Variants in ATP11B observed in about 807,000 individuals in gnomAD.
The protein encoded by ATP11B is ATPase phospholipid transporting 11B (putative), also known as phospholipid-transporting ATPase IF.
Under a neutral mutation model 157.8 loss-of-function variants are expected in ATP11B, and 81 were observed. That is an observed-to-expected ratio of 0.51 (90% CI 0.43 to 0.62). The LOEUF is 0.62. Ranked by LOEUF, ATP11B falls within the 20% of genes least tolerant of loss-of-function variation. The pLI, the probability that ATP11B is intolerant of heterozygous loss-of-function variation, is 0.00. For missense variants in ATP11B, 1,165 were observed against 1,402.2 expected (o/e 0.83, Z 2.70); for synonymous variants, 451 against 469.4 (o/e 0.96, Z 0.51).
intron 8 of ATP11B, among the ~76,000 whole-genome samples, chr3:182,842,581 A>G (rs985343832): frequency 1.3e-5 from 2 of 151,970 alleles, no homozygotes; most frequent in African/African-American, 2.4e-5. Flanking sequence ...ATAGGGCAGG[A>G]AGGACCCTCT....
intron 28 of ATP11B, among the ~76,000 whole-genome samples, chr3:182,905,251 TC>T (rs1724263782): frequency 2.6e-5 from 4 of 152,214 alleles, no homozygotes; most frequent in African/African-American, 9.7e-5. Context: ...TTAGAAGATC[TC>T]TAATACAAAT....
intron 1 of ATP11B, among the ~76,000 whole-genome samples, chr3:182,819,360 C>T (rs1207325693): frequency 3.9e-5 from 6 of 152,150 alleles, no homozygotes; most frequent in African/African-American, 1.4e-4. Context: ...CATAAGCCAG[C>T]GCGCCCGGCG....
chr3:182,882,683 C>T (rs1038951517), intron 21 of ATP11B, among the ~76,000 whole-genome samples: 14 of 152,078 alleles, frequency 9.2e-5, no homozygotes, highest in Non-Finnish European at 1.6e-4. Flanking sequence ...AAGCAAGGAA[C>T]TATAGTTAAT....
At chr3:182,818,374 AAAAT>A (rs1346650090) in intron 1 of ATP11B, among the ~76,000 whole-genome samples, 5 of 152,248 alleles carry the variant, frequency 3.3e-5, no homozygotes, top group Non-Finnish European at 5.9e-5. Context: ...CTTTATGAGG[AAAAT>A]AAATATTTAT....
chr3:182,895,863 GTGTTCCT>G (rs1183684089), intron 25 of ATP11B, among the ~76,000 whole-genome samples: 4 of 152,100 alleles, frequency 2.6e-5, no homozygotes, highest in Non-Finnish European at 4.4e-5. Context: ...TGTCTTCGTG[GTGTTCCT>G]TGGACCTTTA....
intron 10 of ATP11B, among the ~76,000 whole-genome samples, chr3:182,849,814 G>A (rs1020089624): frequency 6.6e-6 from 1 of 151,916 alleles, no homozygotes; most frequent in Non-Finnish European, 1.5e-5. Flanking sequence ...AGAGAAAAAA[G>A]GACAGAATAA....
At chr3:182,891,297 A>G (rs745426232) in intron 25 of ATP11B, among the ~76,000 whole-genome samples, 1 of 152,216 alleles carries the variant, frequency 6.6e-6, no homozygotes, top group African/African-American at 2.4e-5. Flanking sequence ...GCTAGTCACT[A>G]CTTTTTTTAA....
chr3:182,903,812 T>A (rs562247677), intron 28 of ATP11B, among the ~76,000 whole-genome samples: 2 of 152,344 alleles, frequency 1.3e-5, no homozygotes, highest in Admixed American at 6.5e-5. Context: ...GAGAGCTCAT[T>A]ATTTAAAAGC....
intron 17 of ATP11B, among the ~76,000 whole-genome samples, chr3:182,870,292 G>A (rs1328655256): frequency 2.0e-5 from 3 of 152,116 alleles, no homozygotes; most frequent in Admixed American, 2.0e-4. Context: ...TCATGTAAAT[G>A]GCAAAATTAT....
At chr3:182,833,012 A>G (rs887059875) in intron 4 of ATP11B, among the ~76,000 whole-genome samples, 3 of 152,090 alleles carry the variant, frequency 2.0e-5, no homozygotes, top group African/African-American at 4.8e-5. Flanking sequence ...TAGGTAAAAT[A>G]TCAGACAATA....
At chr3:182,818,840 G>A (rs913041515) in intron 1 of ATP11B, among the ~76,000 whole-genome samples, 1 of 150,224 alleles carries the variant, frequency 6.7e-6, no homozygotes, top group Admixed American at 6.7e-5. Context: ...GATCATCATA[G>A]CTTATGAATA....
At chr3:182,856,116 A>C (rs561721002) in intron 10 of ATP11B, among the ~76,000 whole-genome samples, 109 of 152,294 alleles carry the variant, frequency 7.2e-4, no homozygotes, top group African/African-American at 2.5e-3. Context: ...ACAGCAAAAA[A>C]CTGGAAACAG....
In ATP11B at chr3:182,889,432, T is replaced by G. The variant is rs752197341; in HGVS notation, c.2866T>G (p.Leu956Val). 2 of 1,572,234 alleles carry G rather than the reference T, an allele frequency of 1.3e-6. No homozygotes were observed. Among genetic ancestry groups the G allele is most frequent in the Non-Finnish European group, 1.7e-6 (2 of 1,164,214 alleles). The stretch of plus-strand genomic sequence containing the variant: ...CAGAGACATTAGTAAAAACCGCCTC[T>G]TAAGTATTAAAACATTTCTTTATTG... ...LYRDISKNRL[L>V]SIKTFLYWTI... Residue 956 changes from leucine (L) to valine (V), a missense_variant, in exon 25 of 30, where the codon TTA (leucine) becomes GTA (valine). Transcript: ENST00000323116.
intron 29 of ATP11B, chr3:182,917,770 CTG>C (rs1157854561): frequency 5.1e-6 from 5 of 984,922 alleles, no homozygotes; most frequent in South Asian, 4.7e-5. Context: ...CATATAGAAA[CTG>C]TTTTAATGCT....
At chr3:182,834,114 T>A (rs1406828300) in intron 4 of ATP11B, among the ~76,000 whole-genome samples, 1 of 152,172 alleles carries the variant, frequency 6.6e-6, no homozygotes, top group South Asian at 2.1e-4. Flanking sequence ...GAATTATCGT[T>A]GCTCTGCTAT....
In ATP11B at chr3:182,885,318, A is replaced by G. The variant is rs77016184; in HGVS notation, c.2655+420A>G. Among the ~76,000 whole-genome samples the G allele has an allele frequency of 9.7e-3, 1,478 of 152,268 alleles. 12 individuals carry two copies. Among genetic ancestry groups the G allele is most frequent in the Non-Finnish European group, 0.015 (1,042 of 67,968 alleles). On this transcript the variant is annotated intron_variant, in intron 22 of 29. Coordinates refer to ENST00000323116, the MANE Select transcript of ATP11B (RefSeq NM_014616.3). ...ACAAATTATGTTGAAATATTGTCCT[A>G]TCTTTGGGTCCTTTGGTACAAGGTG...
intron 14 of ATP11B, among the ~76,000 whole-genome samples, chr3:182,867,103 A>G (rs190897637): frequency 1.5e-3 from 234 of 151,154 alleles, no homozygotes; most frequent in African/African-American, 5.5e-3. Context: ...TAATTTTTGT[A>G]TTTTTAGTAG....
chr3:182,872,744 T>A (rs1286967350), intron 18 of ATP11B, among the ~76,000 whole-genome samples: 1 of 152,184 alleles, frequency 6.6e-6, no homozygotes, highest in Non-Finnish European at 1.5e-5. Context: ...AGAAACTAGC[T>A]CTCTATAGTT....
At chr3:182,905,927 T>C (rs1235343237) in intron 28 of ATP11B, 1 of 455,052 alleles carries the variant, frequency 2.2e-6, no homozygotes, top group South Asian at 1.6e-5. Flanking sequence ...TAGGTAGTAC[T>C]GCGCTGGACC....
Sources: gnomAD v4.1 joint callset for allele counts (sites outside exome capture counted in the v4.1 genomes callset) on GRCh38, gnomAD v4.1.1 for gene constraint, MANE v1.5 for transcripts, NCBI Gene and HGNC (gene_info 2026-07-23, HGNC 2026-07-21) for gene names.